Variants in METTL16 observed in about 807,000 individuals in gnomAD.
METTL16 encodes the protein RNA N(6)-adenosine-methyltransferase METTL16.
A neutral mutation model predicts 57.9 loss-of-function variants in METTL16; 19 were observed. The observed-to-expected ratio is 0.33, with a 90% CI of 0.23 to 0.48. The LOEUF is 0.48. METTL16 is among the 20% of genes least tolerant of loss of function. METTL16 has a pLI of 0.99. For synonymous variants in METTL16, 246 were observed against 255.6 expected (o/e 0.96, Z 0.36); for missense variants, 434 against 691.5 (o/e 0.63, Z 4.18).
intron 6 of METTL16, among the ~76,000 whole-genome samples, chr17:2,462,222 T>A (rs2067154716): frequency 6.6e-6 from 1 of 152,098 alleles, no homozygotes; most frequent in African/African-American, 2.4e-5. Context: ...AAAAAGCCAG[T>A]CATAAAAGGA....
chr17:2,454,250 T>A (rs1288629918), intron 6 of METTL16, among the ~76,000 whole-genome samples: 1 of 152,130 alleles, frequency 6.6e-6, no homozygotes, highest in Non-Finnish European at 1.5e-5. Flanking sequence ...AGAAACTTAT[T>A]AAAAACTCAA....
intron 7 of METTL16, among the ~76,000 whole-genome samples, chr17:2,441,074 C>T (rs9908271): frequency 0.26 from 38,735 of 149,906 alleles, 8,001 homozygotes; most frequent in African/African-American, 0.57. Flanking sequence ...CAACAAAGGA[C>T]TGGATTTTAA....
intron 6 of METTL16, among the ~76,000 whole-genome samples, chr17:2,455,596 C>T (rs2067104269): frequency 1.3e-5 from 2 of 152,156 alleles, no homozygotes; most frequent in South Asian, 4.1e-4. Context: ...CACCAATCAA[C>T]AAGGCTGCCA....
intron 4 of METTL16, among the ~76,000 whole-genome samples, chr17:2,471,719 C>T (rs1209401024): frequency 1.3e-5 from 2 of 151,964 alleles, no homozygotes; most frequent in East Asian, 1.9e-4. Context: ...ACCCAGCAGG[C>T]GGAGCTTGCA....
intron 2 of METTL16, among the ~76,000 whole-genome samples, chr17:2,497,995 C>T (rs141749314): frequency 0.043 from 6,485 of 151,548 alleles, 216 homozygotes; most frequent in Non-Finnish European, 0.065. Context: ...GAGATCGAGA[C>T]CATCGTGGCT....
At position 2,446,903 on chromosome 17, in the gene METTL16, A is replaced by C. The variant is rs541194831; in HGVS notation, c.729-5344T>G. 4.3e-4 allele frequency among the ~76,000 whole-genome samples: 65 copies of C among 151,780 alleles called. 1 individual carries two copies. Among genetic ancestry groups the C allele is most frequent in the African/African-American group, 1.4e-3 (58 of 41,256 alleles). On this transcript the variant is annotated intron_variant, in intron 6 of 9. Transcript: ENST00000263092. ...CAGTGCTCAGTGGTGCCCAGGCTGG[A>C]GTGCAGTGGCGTGATCTCGGCTCGC...
chr17:2,475,682 T>C (rs1325348845), intron 3 of METTL16, among the ~76,000 whole-genome samples: 2 of 152,190 alleles, frequency 1.3e-5, no homozygotes, highest in East Asian at 1.9e-4. Flanking sequence ...GAAAGCCAAA[T>C]GACATTTTTA....
At chr17:2,424,104 TTTATTTTA>T (rs2066790546) in intron 8 of METTL16, 1 of 74,110 alleles carries the variant, frequency 1.3e-5, no homozygotes. Context: ...TTTATTTTAT[TTTATTTTA>T]TTATTTTATT....
chr17:2,444,672 T>C (rs2066980993), intron 6 of METTL16, among the ~76,000 whole-genome samples: 1 of 151,714 alleles, frequency 6.6e-6, no homozygotes, highest in African/African-American at 2.4e-5. Context: ...CTTCTAGTCC[T>C]GCAAGCTCCA....
chr17:2,487,046 T>G, intron 2 of METTL16, among the ~76,000 whole-genome samples: 2 of 139,236 alleles, frequency 1.4e-5, no homozygotes, highest in South Asian at 2.3e-4. Flanking sequence ...TAGATAAAGG[T>G]AGCAATGGCA....
intron 6 of METTL16, among the ~76,000 whole-genome samples, chr17:2,463,609 C>G (rs767722724): frequency 1.9e-4 from 29 of 151,900 alleles, no homozygotes; most frequent in Admixed American, 1.2e-3. Flanking sequence ...CTACAGGCAC[C>G]CACCACCACA....
chr17:2,456,853 A>G (rs1320590678), intron 6 of METTL16, among the ~76,000 whole-genome samples: 2 of 151,660 alleles, frequency 1.3e-5, no homozygotes, highest in Non-Finnish European at 2.9e-5. Flanking sequence ...CACTGTCTCA[A>G]TCTCAGCTCA....
At chr17:2,492,176 A>C (rs1304248132) in intron 2 of METTL16, among the ~76,000 whole-genome samples, 9 of 152,130 alleles carry the variant, frequency 5.9e-5, no homozygotes, top group South Asian at 2.1e-4. Flanking sequence ...GCGCCACTGC[A>C]CTCCAGCCTG....
Position 2,426,752 on chromosome 17 carries a change from A to C in METTL16, c.889-5848T>G, listed in dbSNP as rs967885593. 4.7e-5 allele frequency among the ~76,000 whole-genome samples: 7 copies of C among 149,674 alleles called. No homozygotes were observed. The East Asian group carries it at 1.2e-3, about 25-fold the overall frequency. On this transcript the variant is annotated intron_variant, in intron 8 of 9. Coordinates refer to ENST00000263092, the MANE Select transcript of METTL16 (RefSeq NM_024086.4). ...TCAAAAAAAAAAAAAAAAAAAAAAA[A>C]GTAAAAATAGCAAGGGGAAGAAAAC...
At chr17:2,494,757 TG>T (rs2067428436) in intron 2 of METTL16, among the ~76,000 whole-genome samples, 1 of 151,914 alleles carries the variant, frequency 6.6e-6, no homozygotes, top group African/African-American at 2.4e-5. Flanking sequence ...CCTAGCACTT[TG>T]GGAGGCTGAG....
chr17:2,457,110 G>A (rs1008516145), intron 6 of METTL16, among the ~76,000 whole-genome samples: 9 of 151,080 alleles, frequency 6.0e-5, no homozygotes, highest in Admixed American at 5.3e-4. Flanking sequence ...AAGGCGGGTG[G>A]ATCACGAGGT....
intron 6 of METTL16, among the ~76,000 whole-genome samples, chr17:2,445,139 C>T (rs1220930692): frequency 2.0e-5 from 3 of 152,132 alleles, no homozygotes; most frequent in South Asian, 2.1e-4. Flanking sequence ...TGTAAGCCGC[C>T]GTGCTCAGCC....
rs1187660251 is a variant in METTL16 at position 2,447,765 on chromosome 17, C to A, written c.729-6206G>T. On this transcript the variant is annotated intron_variant, in intron 6 of 9. Transcript: ENST00000263092. ...TCCGGGAGGGAGGTGGGGGGATCAG[C>A]CCCCCGCCCGGCCAGCCGCCCCGTC... 5.3e-5 allele frequency among the ~76,000 whole-genome samples: 7 copies of A among 132,606 alleles called. No homozygotes were observed. In the South Asian group the frequency reaches 9.7e-4, roughly 18 times the overall value. 87.0% of individuals were successfully genotyped at this position (132,606 alleles called of 152,430 possible).
In METTL16 at chr17:2,502,272, A is replaced by G. The variant is rs903792004; in HGVS notation, c.60T>C (p.Phe20=). The G allele has an allele frequency of 4.3e-6, 7 of 1,613,932 alleles. No individual in the cohort carries two copies. The highest frequency in any genetic ancestry group is 5.9e-6 in the Non-Finnish European group (7 of 1,179,974). Residue 20 remains phenylalanine, a synonymous_variant, in exon 2 of 10, where the codon TTT becomes TTC. Transcript: ENST00000263092. ...CTGGATATTTGGATGCCAGATATGC[A>G]AAGTCAGGAGGTTTGTCCTTGTATC... The part of the protein sequence containing the change: ...RNRYKDKPPD[F]AYLASKYPDF...
Sources: allele counts gnomAD v4.1 joint callset (sites outside exome capture counted in the v4.1 genomes callset), GRCh38; gene constraint gnomAD v4.1.1; transcripts MANE v1.5; gene names NCBI Gene and HGNC (gene_info 2026-07-23, HGNC 2026-07-21).